FAM184A: variants seen among roughly 807,000 people sequenced by gnomAD.
The protein encoded by FAM184A is protein FAM184A.
FAM184A carries 99 observed loss-of-function variants against 143.8 expected under a neutral mutation model. The ratio of observed to expected loss-of-function variants is 0.69; its 90% CI spans 0.58 to 0.81. The LOEUF is 0.81. Ranked by LOEUF, FAM184A falls within the 40% of genes least tolerant of loss-of-function variation. The pLI, the probability that FAM184A is intolerant of heterozygous loss-of-function variation, is 0.00. For synonymous variants in FAM184A, 427 were observed against 446.4 expected (o/e 0.96, Z 0.55); for missense variants, 1,217 against 1,310.5 (o/e 0.93, Z 1.10).
chr6:119,142,883 G>T (rs1302901084), intron 1 of FAM184A, among the ~76,000 whole-genome samples: 1 of 152,182 alleles, frequency 6.6e-6, no homozygotes, highest in Non-Finnish European at 1.5e-5. Flanking sequence ...CGGATAAAAT[G>T]AGGGAAATTT....
intron 1 of FAM184A, among the ~76,000 whole-genome samples, chr6:119,102,358 A>G (rs1013058688): frequency 6.6e-6 from 1 of 152,200 alleles, no homozygotes; most frequent in Non-Finnish European, 1.5e-5. Context: ...CCAATAAGGC[A>G]TGAGAAGGAG....
chr6:119,008,088 A>C (rs1784979861), intron 6 of FAM184A, among the ~76,000 whole-genome samples: 1 of 152,224 alleles, frequency 6.6e-6, no homozygotes, highest in Non-Finnish European at 1.5e-5. Flanking sequence ...ATAAAAAGCA[A>C]ATAAGTGTTG....
chr6:118,963,952 C>T (rs936206712), intron 16 of FAM184A: 3 of 151,952 alleles, frequency 2.0e-5, no homozygotes, highest in African/African-American at 7.3e-5. Context: ...TAAGACTTGG[C>T]CATGTCTATT....
chr6:119,033,640 G>A lies in FAM184A; in HGVS notation c.160-8827C>T, dbSNP rs912699508. ...AGATTATGCCGCTGCACTCCAGCCC[G>A]GACGACAGAGTGAGACTCCGTCTCA... is the stretch of plus-strand genomic sequence containing the variant. On this transcript the variant is annotated intron_variant, in intron 1 of 17. Transcript: ENST00000338891. 7.4e-4 allele frequency among the ~76,000 whole-genome samples: 110 copies of A among 148,222 alleles called. 2 individuals are homozygous for A. The highest frequency in any genetic ancestry group is 2.5e-3 in the African/African-American group (101 of 39,738).
chr6:119,085,664 C>T (rs781096201), intron 1 of FAM184A, among the ~76,000 whole-genome samples: 83 of 152,280 alleles, frequency 5.5e-4, no homozygotes, highest in Middle Eastern at 3.4e-3. Context: ...TCTTTGGTAC[C>T]AATTTTCTGC....
intron 1 of FAM184A, among the ~76,000 whole-genome samples, chr6:119,100,723 G>A (rs150646063): frequency 2.4e-4 from 37 of 152,146 alleles, no homozygotes; most frequent in African/African-American, 8.7e-4. Context: ...TTGGGAGGCC[G>A]AGGTGGGCAG....
intron 16 of FAM184A, 123 bp downstream of exon 16, chr6:118,964,543 AT>A (rs1396402522): frequency 6.2e-6 from 3 of 484,384 alleles, no homozygotes; most frequent in African/African-American, 5.8e-5. Context: ...TTAGTGCTAG[AT>A]TATTAAATAG....
At position 119,016,921 on chromosome 6, in the gene FAM184A, A is replaced by G. The variant is rs949669139; in HGVS notation, c.1356T>C (p.Thr452=). Reference sequence around the variant, plus strand: ...GTTCCCTTTCATAATATTCTTGCTGAGTTCTCTTTGCTTCATTTACTTTCT... The same window carrying G: ...GTTCCCTTTCATAATATTCTTGCTGGGTTCTCTTTGCTTCATTTACTTTCT... The part of the protein sequence containing the change: ...LEKKVNEAKR[T]QQEYYERELK... Residue 452 remains threonine (T), a synonymous_variant, in exon 5 of 18, where the codon ACT becomes ACC. Coordinates refer to ENST00000338891, the MANE Select transcript of FAM184A (RefSeq NM_024581.6). 12 of 1,609,280 alleles carry G rather than the reference A, an allele frequency of 7.5e-6. No homozygotes were observed. The highest frequency in any genetic ancestry group is 1.0e-5 in the Non-Finnish European group (12 of 1,178,526).
At position 119,020,078 on chromosome 6, in the gene FAM184A, T is replaced by C. The variant is rs545606323; in HGVS notation, c.1232A>G (p.Asn411Ser). 556 of 1,610,356 alleles carry C rather than the reference T, an allele frequency of 3.5e-4. 4 individuals are homozygous for C. In the South Asian group the frequency reaches 5.5e-3, roughly 16 times the overall value. The change falls in exon 4 of 18, where the codon AAT (asparagine) becomes AGT (serine). Residue 411 changes from asparagine to serine, a missense_variant. Transcript: ENST00000338891. ...KDLESEKSRVNERLSQLEEER... is the reference protein window; with the variant it reads ...KDLESEKSRVSERLSQLEEER... ...CTCTTCAAGTTGAGATAATCTCTCA[T>C]TGACTCTCGATTTTTCTGATTCTAA... is the stretch of plus-strand genomic sequence containing the variant.
chr6:119,142,427 A>T (rs1304262214), intron 1 of FAM184A, among the ~76,000 whole-genome samples: 1 of 152,218 alleles, frequency 6.6e-6, no homozygotes, highest in South Asian at 2.1e-4. Flanking sequence ...ACCAGGCTTG[A>T]TCTACTGAAG....
In FAM184A at chr6:119,061,531, C is replaced by CTTTTTTTTTT. The variant is rs977029986; in HGVS notation, c.159+16600_159+16609dup. 1.6e-3 allele frequency among the ~76,000 whole-genome samples: 93 copies of CTTTTTTTTTT among 58,566 alleles called. 3 individuals carry two copies. The highest frequency in any genetic ancestry group is 2.1e-3 in the East Asian group (4 of 1,912). The allele number at this position is 58,566 out of a possible 152,430, so 38.4% of individuals were successfully genotyped here. On this transcript the variant is annotated intron_variant, in intron 1 of 17. Transcript: ENST00000338891. ...CTACCATGCCTGGCTAATTATTTTT[C>CTTTTTTTTTT]TTTTTTTTTTTTTTTTTTTTTTTTT... is the stretch of plus-strand genomic sequence containing the variant.
chr6:119,047,317 T>C (rs1485506255), intron 1 of FAM184A, among the ~76,000 whole-genome samples: 5 of 152,182 alleles, frequency 3.3e-5, no homozygotes, highest in Non-Finnish European at 7.4e-5. Context: ...GAAGGGCAGT[T>C]TGGAGGTTCC....
intron 1 of FAM184A, among the ~76,000 whole-genome samples, chr6:119,094,638 C>T (rs1015812237): frequency 9.2e-5 from 14 of 152,200 alleles, no homozygotes; most frequent in African/African-American, 3.4e-4. Context: ...ATATTACTGT[C>T]TTAGTTTGGG....
At chr6:119,043,280 C>T (rs1276898743) in intron 1 of FAM184A, among the ~76,000 whole-genome samples, 1 of 152,170 alleles carries the variant, frequency 6.6e-6, no homozygotes, top group African/African-American at 2.4e-5. Flanking sequence ...ATTGGCTCAC[C>T]TGTGGCAGAG....
chr6:118,969,993 A>ATATAAAATATAT (rs1189865476), intron 14 of FAM184A, among the ~76,000 whole-genome samples: 3 of 24,374 alleles, frequency 1.2e-4, no homozygotes, highest in Admixed American at 6.6e-4. Context: ...ATATATATAT[A>ATATAAAATATAT]ATATATATAT....
intron 1 of FAM184A, among the ~76,000 whole-genome samples, chr6:119,088,048 A>C (rs1582604605): frequency 6.6e-6 from 1 of 152,190 alleles, no homozygotes; most frequent in South Asian, 2.1e-4. Context: ...AAATTCATAG[A>C]GACAGAAAGT....
chr6:119,066,775 G>A (rs1787467133), intron 1 of FAM184A, among the ~76,000 whole-genome samples: 1 of 152,190 alleles, frequency 6.6e-6, no homozygotes, highest in Admixed American at 6.5e-5. Flanking sequence ...CTAGGGGGTT[G>A]AAACAAGAAA....
intron 9 of FAM184A, among the ~76,000 whole-genome samples, chr6:118,984,173 ATATATTTATATATATATTTATATT>A (rs1784114296): frequency 7.1e-6 from 1 of 141,248 alleles, no homozygotes. Flanking sequence ...ATATATATAT[ATATATTTATATATATATTTATATT>A]TATATATATT....
At chr6:119,126,567 A>G (rs181581596) in intron 1 of FAM184A, among the ~76,000 whole-genome samples, 20 of 152,354 alleles carry the variant, frequency 1.3e-4, no homozygotes, top group African/African-American at 2.6e-4. Context: ...AACTCTGTGC[A>G]GGCCCCATGG....
Sources: gnomAD v4.1 joint callset for allele counts (sites outside exome capture counted in the v4.1 genomes callset) on GRCh38, gnomAD v4.1.1 for gene constraint, MANE v1.5 for transcripts, NCBI Gene and HGNC (gene_info 2026-07-23, HGNC 2026-07-21) for gene names.